NPAS3: variants seen among roughly 807,000 people sequenced by gnomAD.
The protein encoded by NPAS3 is neuronal PAS domain-containing protein 3.
In NPAS3, 14 loss-of-function variants were observed where a neutral mutation model predicts 73.1. The observed-to-expected ratio is 0.19, with a 90% CI of 0.13 to 0.30. The LOEUF (loss-of-function observed/expected upper bound fraction) is 0.30. NPAS3 is among the 10% of genes least tolerant of loss of function. The pLI is 1.00. For missense variants in NPAS3, 1,096 were observed against 1,250.0 expected, an observed-to-expected ratio of 0.88 and a Z score of 1.86; for synonymous variants, 620 against 541.5, an observed-to-expected ratio of 1.14 and a Z score of -2.01.
intron 3 of NPAS3, among the ~76,000 whole-genome samples, chr14:33,246,704 G>A (rs1239339043): frequency 6.7e-6 from 1 of 149,020 alleles, no homozygotes; most frequent in East Asian, 2.0e-4. Flanking sequence ...TAATGAAATA[G>A]TAGGCAGGCC....
intron 4 of NPAS3, among the ~76,000 whole-genome samples, chr14:33,478,691 T>C (rs1462435516): frequency 6.6e-6 from 1 of 152,226 alleles, no homozygotes; most frequent in Non-Finnish European, 1.5e-5. Flanking sequence ...GGGACTACTA[T>C]TAATGATCTT....
chr14:33,197,623 A>C (rs1395283388), intron 2 of NPAS3, among the ~76,000 whole-genome samples: 1 of 152,230 alleles, frequency 6.6e-6, no homozygotes, highest in Non-Finnish European at 1.5e-5. Context: ...CCAAACCCTA[A>C]AGCAGAAGAG....
chr14:33,092,421 G>A (rs545201909), intron 2 of NPAS3, among the ~76,000 whole-genome samples: 1 of 152,252 alleles, frequency 6.6e-6, no homozygotes, highest in Non-Finnish European at 1.5e-5. Context: ...GGGATGTGGA[G>A]GACCTCTTCA....
At chr14:33,367,969 T>G (rs543711806) in intron 4 of NPAS3, among the ~76,000 whole-genome samples, 1 of 152,148 alleles carries the variant, frequency 6.6e-6, no homozygotes, top group African/African-American at 2.4e-5. Flanking sequence ...CACTTCTGCC[T>G]TCAACCATAG....
At position 32,983,203 on chromosome 14, in the gene NPAS3, A is replaced by C. The variant is rs553692502; in HGVS notation, c.50+43837A>C. Among the ~76,000 whole-genome samples the C allele has an allele frequency of 1.5e-3, 221 of 152,298 alleles. 2 individuals carry two copies. The highest frequency in any genetic ancestry group is 3.4e-3 in the Middle Eastern group (1 of 294). ...TAAAGACTATTTTAAAAAAATCTTCAAGTTCTGTCTTTATTAGAGTATTTT... is the reference window on the plus strand; with the variant it reads ...TAAAGACTATTTTAAAAAAATCTTCCAGTTCTGTCTTTATTAGAGTATTTT... On this transcript the variant is annotated intron_variant, in intron 1 of 11. Transcript: ENST00000356141.
chr14:33,326,241 G>A (rs2043699185), intron 3 of NPAS3, among the ~76,000 whole-genome samples: 2 of 152,122 alleles, frequency 1.3e-5, no homozygotes, highest in Non-Finnish European at 2.9e-5. Flanking sequence ...TAAAGCTATA[G>A]TGAAAGGGAA....
At chr14:33,024,142 ATG>A (rs5807700) in intron 1 of NPAS3, among the ~76,000 whole-genome samples, 23,393 of 142,856 alleles carry the variant, frequency 0.16, 2,042 homozygotes, top group East Asian at 0.27. Flanking sequence ...GTGTGTGTAT[ATG>A]TGTGTGTGTG....
chr14:33,399,456 C>G (rs1252653081), intron 4 of NPAS3, among the ~76,000 whole-genome samples: 1 of 152,034 alleles, frequency 6.6e-6, no homozygotes, highest in Non-Finnish European at 1.5e-5. Flanking sequence ...ATTAAACTTT[C>G]AAAGAGACAT....
At chr14:33,622,919 A>T (rs2140101748) in intron 5 of NPAS3, among the ~76,000 whole-genome samples, 1 of 152,270 alleles carries the variant, frequency 6.6e-6, no homozygotes, top group East Asian at 1.9e-4. Flanking sequence ...GTGAGATACA[A>T]AGGAGGGCTT....
intron 3 of NPAS3, among the ~76,000 whole-genome samples, chr14:33,346,333 GC>G: frequency 1.3e-5 from 2 of 151,912 alleles, no homozygotes; most frequent in Admixed American, 1.3e-4. Flanking sequence ...TTCCAGACCA[GC>G]CTGGGCAACA....
intron 3 of NPAS3, among the ~76,000 whole-genome samples, chr14:33,273,666 A>T (rs376274960): frequency 9.2e-5 from 14 of 152,272 alleles, no homozygotes; most frequent in African/African-American, 3.1e-4. Flanking sequence ...CTATAGTGCT[A>T]TAGGGCTTGT....
At chr14:33,085,218 G>C (rs1389963589) in intron 2 of NPAS3, among the ~76,000 whole-genome samples, 1 of 152,170 alleles carries the variant, frequency 6.6e-6, no homozygotes. Flanking sequence ...TAATTTAAAA[G>C]AGAAACAAAT....
At chr14:33,620,474 G>A (rs568316219) in intron 5 of NPAS3, among the ~76,000 whole-genome samples, 11 of 152,056 alleles carry the variant, frequency 7.2e-5, no homozygotes, top group Non-Finnish European at 1.5e-4. Flanking sequence ...TTTCTCTTAG[G>A]ACAGGAAGAT....
intron 1 of NPAS3, among the ~76,000 whole-genome samples, chr14:33,030,681 A>T (rs1206628485): frequency 6.6e-6 from 1 of 152,160 alleles, no homozygotes; most frequent in Non-Finnish European, 1.5e-5. Flanking sequence ...TGCTTAATAC[A>T]CTGTAGAAAG....
At position 32,995,546 on chromosome 14, in the gene NPAS3, A is replaced by G. The variant is rs140339455; in HGVS notation, c.50+56180A>G. Among the ~76,000 whole-genome samples the G allele has an allele frequency of 6.6e-4, 101 of 152,306 alleles. 2 individuals carry two copies. The East Asian group carries it at 0.017, about 25-fold the overall frequency. On this transcript the variant is annotated intron_variant, in intron 1 of 11. Coordinates refer to ENST00000356141, the Ensembl canonical transcript of NPAS3. ...TGTCCCCACCCAAATCTCATCTTGT[A>G]AGTCTCACAATTCCCATGTATTGTG...
At chr14:33,058,152 TA>T (rs1466228930) in intron 2 of NPAS3, among the ~76,000 whole-genome samples, 2 of 151,852 alleles carry the variant, frequency 1.3e-5, no homozygotes, top group African/African-American at 4.8e-5. Flanking sequence ...GATAGTATTG[TA>T]AAAAACATGG....
intron 3 of NPAS3, among the ~76,000 whole-genome samples, chr14:33,262,594 A>T (rs2049015175): frequency 6.6e-6 from 1 of 152,194 alleles, no homozygotes; most frequent in African/African-American, 2.4e-5. Flanking sequence ...TTCCACAATT[A>T]TTCATGGCAT....
intron 4 of NPAS3, among the ~76,000 whole-genome samples, chr14:33,435,144 A>G (rs2048936361): frequency 6.6e-6 from 1 of 152,232 alleles, no homozygotes; most frequent in Admixed American, 6.5e-5. Context: ...ACACATCTAC[A>G]AAACATTTGT....
chr14:33,546,686 T>C (rs893459101), intron 4 of NPAS3, among the ~76,000 whole-genome samples: 12 of 152,214 alleles, frequency 7.9e-5, no homozygotes, highest in Admixed American at 1.3e-4. Flanking sequence ...GGCCCCAATA[T>C]AAAGACTTGC....
Sources: allele counts gnomAD v4.1 joint callset (sites outside exome capture counted in the v4.1 genomes callset), GRCh38; gene constraint gnomAD v4.1.1; transcripts MANE v1.5; gene names NCBI Gene and HGNC (gene_info 2026-07-23, HGNC 2026-07-21).